INTS9: variants seen among roughly 807,000 people sequenced by gnomAD.
INTS9 encodes the protein protein related to CPSF subunits of 74 kDa.
In INTS9, 55 loss-of-function variants were observed where a neutral mutation model predicts 79.7. That is an observed-to-expected ratio of 0.69 (90% CI 0.56 to 0.86). INTS9 has a LOEUF of 0.86. Among genes scored for constraint, INTS9 ranks in the 40% least tolerant of loss-of-function variants. INTS9 has a pLI of 0.00. For synonymous variants in INTS9, 319 were observed against 325.2 expected (o/e 0.98, Z 0.20); for missense variants, 721 against 831.5 (o/e 0.87, Z 1.64).
intron 6 of INTS9, among the ~76,000 whole-genome samples, chr8:28,820,850 G>A (rs577933435): frequency 2.3e-4 from 35 of 152,232 alleles, no homozygotes; most frequent in African/African-American, 7.2e-4. Flanking sequence ...CTACATGCAG[G>A]TTAAAAGGAA....
At chr8:28,853,476 C>T (rs993637342) in intron 2 of INTS9, among the ~76,000 whole-genome samples, 7 of 150,124 alleles carry the variant, frequency 4.7e-5, no homozygotes, top group African/African-American at 1.7e-4. Context: ...GGTAAAGGTA[C>T]CAAAAAAATG....
intron 1 of INTS9, among the ~76,000 whole-genome samples, chr8:28,888,551 CTAAA>C (rs1447184905): frequency 1.3e-5 from 2 of 152,340 alleles, no homozygotes; most frequent in Admixed American, 6.5e-5. Context: ...GACCCTGTCT[CTAAA>C]TAAATAAATA....
intron 6 of INTS9, among the ~76,000 whole-genome samples, chr8:28,814,375 G>A (rs1290813398): frequency 6.6e-6 from 1 of 151,120 alleles, no homozygotes; most frequent in Non-Finnish European, 1.5e-5. Context: ...AATGAGAGAA[G>A]AGACAATAGC....
intron 13 of INTS9, 164 bp from the exon 14 acceptor site, chr8:28,776,090 G>T: frequency 3.8e-6 from 2 of 520,414 alleles, no homozygotes; most frequent in Non-Finnish European, 6.6e-6. Flanking sequence ...AGACAGGAGA[G>T]GGAACGTGAA....
chr8:28,815,445 C>T (rs906251102), intron 6 of INTS9, among the ~76,000 whole-genome samples: 7 of 152,248 alleles, frequency 4.6e-5, no homozygotes, highest in African/African-American at 1.7e-4. Context: ...TACATGTTGA[C>T]CATCCCAAAT....
In INTS9 at chr8:28,835,440, C is replaced by CT. The variant is rs998293123; in HGVS notation, c.402-63dup. ...AAAAATTAGAGAAACACCCCATACT[C>CT]TAACAGTTGGCCAGGAGAAATGACT... On this transcript the variant is annotated intron_variant, in intron 5 of 16. Transcript: ENST00000521022. 3.0e-5 allele frequency: 37 copies of CT among 1,220,866 alleles called. No homozygotes were observed. The African/African-American group carries it at 5.2e-4, about 17-fold the overall frequency. The allele number at this position is 1,220,866 out of a possible 1,614,324, so 75.6% of individuals were successfully genotyped here. A position where few individuals can be genotyped will look rare whatever the true frequency, so the allele number is the denominator to read the frequency against.
chr8:28,770,719 G>A (rs576219858), intron 15 of INTS9, among the ~76,000 whole-genome samples: 1 of 152,326 alleles, frequency 6.6e-6, no homozygotes, highest in East Asian at 1.9e-4. Flanking sequence ...GCCCCCAAGG[G>A]CAGGGCTGCA....
chr8:28,870,007 G>C (rs1808983447), intron 1 of INTS9, among the ~76,000 whole-genome samples: 1 of 152,058 alleles, frequency 6.6e-6, no homozygotes, highest in African/African-American at 2.4e-5. Context: ...TGGAAATGTT[G>C]ATAGTAAATC....
chr8:28,768,224 G>GGTCGA lies in INTS9; in HGVS notation c.1894_1898dup (p.His634ArgfsTer32). 1 of 1,614,156 alleles carries GGTCGA rather than the reference G, an allele frequency of 6.2e-7. No individual in the cohort carries two copies. Among genetic ancestry groups the GGTCGA allele is most frequent in the Non-Finnish European group, 8.5e-7 (1 of 1,180,028 alleles). ...TCTCGTCATTGTCGCAGATGATATGGGTCGAGTCTTCTTCAATCTGGATGA... is the reference window on the plus strand; with the variant it reads ...TCTCGTCATTGTCGCAGATGATATGGGTCGAGTCGAGTCTTCTTCAATCTGGATGA... On this transcript the variant is annotated frameshift_variant, in exon 17 of 17. Coordinates refer to ENST00000521022, the MANE Select transcript of INTS9 (RefSeq NM_018250.4). LOFTEE classifies it high-confidence loss of function.
At chr8:28,805,121 A>G (rs59340535) in intron 8 of INTS9, among the ~76,000 whole-genome samples, 3,285 of 152,358 alleles carry the variant, frequency 0.022, 116 homozygotes, top group African/African-American at 0.074. Flanking sequence ...CACAGATACT[A>G]CATTCACAGG....
At chr8:28,856,856 A>G (rs1175509213) in intron 2 of INTS9, among the ~76,000 whole-genome samples, 1 of 152,070 alleles carries the variant, frequency 6.6e-6, no homozygotes, top group Non-Finnish European at 1.5e-5. Context: ...TAGTTTTTCA[A>G]TCCTTGGCCC....
At chr8:28,783,867 T>C (rs1803436686) in intron 11 of INTS9, 1 of 152,222 alleles carries the variant, frequency 6.6e-6, no homozygotes, top group African/African-American at 2.4e-5. Context: ...TATTGTATCC[T>C]AAGATGTCAA....
At chr8:28,875,643 T>TC (rs1809339904) in intron 1 of INTS9, among the ~76,000 whole-genome samples, 1 of 152,128 alleles carries the variant, frequency 6.6e-6, no homozygotes, top group South Asian at 2.1e-4. Context: ...CCTGATGCTC[T>TC]CCCTCCCCCT....
chr8:28,779,651 C>T (rs1243983711), intron 12 of INTS9, among the ~76,000 whole-genome samples: 2 of 152,200 alleles, frequency 1.3e-5, no homozygotes, highest in Non-Finnish European at 1.5e-5. Context: ...CTCACCTCCG[C>T]GAACACCTGC....
At chr8:28,889,462 C>T (rs930013537) in intron 1 of INTS9, among the ~76,000 whole-genome samples, 1 of 152,266 alleles carries the variant, frequency 6.6e-6, no homozygotes, top group South Asian at 2.1e-4. Context: ...TTACTGTCTG[C>T]TTAAATCTAG....
intron 8 of INTS9, chr8:28,810,517 G>T (rs1418359429): frequency 6.6e-6 from 1 of 152,202 alleles, no homozygotes; most frequent in Non-Finnish European, 1.5e-5. Context: ...CTACTTGGGA[G>T]GACTGCTTGA....
chr8:28,778,038 CACAG>C (rs971775350), intron 12 of INTS9, 85 bp from the exon 13 acceptor site: 29 of 1,424,800 alleles, frequency 2.0e-5, no homozygotes, highest in African/African-American at 1.3e-4. Flanking sequence ...GCTGAGGGCC[CACAG>C]ACAGTCAGGG....
chr8:28,827,233 T>C (rs186685852), intron 6 of INTS9, among the ~76,000 whole-genome samples: 2 of 152,346 alleles, frequency 1.3e-5, no homozygotes, highest in Non-Finnish European at 1.5e-5. Context: ...AAGGATTTCA[T>C]TGTTTTGCTT....
chr8:28,768,304 T>C lies in INTS9; in HGVS notation c.1819A>G (p.Lys607Glu), dbSNP rs1327064820. 2 of 1,613,584 alleles carry C rather than the reference T, an allele frequency of 1.2e-6. No individual in the cohort carries two copies. Among genetic ancestry groups the C allele is most frequent in the Non-Finnish European group, 1.7e-6 (2 of 1,180,020 alleles). Reference protein sequence around the residue: ...TLEKHGFSDIKVEDTAKGHIV... With the variant: ...TLEKHGFSDIEVEDTAKGHIV... ...TGGCCCTTGGCTGTGTCCTCCACCT[T>C]AATATCACTGAAGCCATGCTGCTCC... Residue 607 changes from lysine (K) to glutamate (E), a missense_variant, in exon 17 of 17, where the codon AAG becomes GAG. Physicochemically the swap from Lys to Glu is moderately conservative, Grantham distance 56. Around this residue, in one of 3 missense-constraint regions of INTS9, gnomAD observed 281 missense variants for 300.8 expected, o/e 0.93. Coordinates refer to ENST00000521022, the MANE Select transcript of INTS9 (RefSeq NM_018250.4).
Sources: gnomAD v4.1 joint callset for allele counts (sites outside exome capture counted in the v4.1 genomes callset) on GRCh38, gnomAD v4.1.1 for gene constraint, gnomAD v4.1.1 regional missense constraint, MANE v1.5 for transcripts, NCBI Gene and HGNC (gene_info 2026-07-23, HGNC 2026-07-21) for gene names.